The following PHF20 variants were observed in gnomAD, a reference collection of about 807,000 sequenced individuals.
The protein encoded by PHF20 is PHD finger protein 20.
Under a neutral mutation model 113.5 loss-of-function variants are expected in PHF20, and 23 were observed. That is an observed-to-expected ratio of 0.20 (90% CI 0.15 to 0.29). The LOEUF (loss-of-function observed/expected upper bound fraction) is 0.29, where lower values mean the gene tolerates loss of function less well. PHF20 is among the 10% of genes least tolerant of loss of function. The pLI is 1.00. For synonymous variants in PHF20, 434 were observed against 457.3 expected (o/e 0.95, Z 0.65); for missense variants, 943 against 1,219.6 (o/e 0.77, Z 3.38).
At chr20:35,889,022 T>C (rs904464855) in intron 9 of PHF20, among the ~76,000 whole-genome samples, 2 of 135,362 alleles carry the variant, frequency 1.5e-5, no homozygotes. Flanking sequence ...TTTTTTTTTT[T>C]TTTTTTTTTT....
rs145054711 is a variant in PHF20 at position 35,943,127 on chromosome 20, A to G, written c.2896+2080A>G. Among the ~76,000 whole-genome samples, 650 of 152,250 alleles carry G rather than the reference A, an allele frequency of 4.3e-3. 3 individuals are homozygous for G. The highest frequency in any genetic ancestry group is 0.015 in the African/African-American group (632 of 41,550). ...CGTGAGCCACCGTACCCAGCCCTAA[A>G]CTAAGCTTTCATAACCAAGTTTTAA... On this transcript the variant is annotated intron_variant, in intron 17 of 17. Transcript: ENST00000374012.
chr20:35,847,527 A>T, intron 4 of PHF20, 93 bp downstream of exon 4: 1 of 780,380 alleles, frequency 1.3e-6, no homozygotes, highest in Non-Finnish European at 2.2e-6. Flanking sequence ...TATTTTCAGT[A>T]TTTATTTACT....
At chr20:35,792,531 T>C (rs1175408793) in intron 1 of PHF20, among the ~76,000 whole-genome samples, 1 of 151,964 alleles carries the variant, frequency 6.6e-6, no homozygotes, top group Non-Finnish European at 1.5e-5. Context: ...TTCCTTCCTT[T>C]CTTTTTCTTC....
chr20:35,857,716 G>A (rs1391768213), intron 4 of PHF20, among the ~76,000 whole-genome samples: 1 of 151,822 alleles, frequency 6.6e-6, no homozygotes, highest in Non-Finnish European at 1.5e-5. Context: ...CTCCCGAGTA[G>A]CTGGGATTAC....
intron 10 of PHF20, among the ~76,000 whole-genome samples, chr20:35,903,028 T>C (rs1017384663): frequency 1.2e-4 from 18 of 147,320 alleles, no homozygotes; most frequent in African/African-American, 3.9e-4. Context: ...TTTCTTTTTT[T>C]TTTTTTTTGA....
chr20:35,826,700 A>G (rs930666666), intron 2 of PHF20, among the ~76,000 whole-genome samples: 22 of 152,118 alleles, frequency 1.4e-4, no homozygotes, highest in Admixed American at 1.4e-3. Context: ...ACATGTTTTG[A>G]TCCTTCTTAG....
At chr20:35,822,588 C>T (rs1047171357) in intron 2 of PHF20, among the ~76,000 whole-genome samples, 1 of 151,756 alleles carries the variant, frequency 6.6e-6, no homozygotes, top group Admixed American at 6.6e-5. Context: ...AATCCCAGCA[C>T]TTTGGGAGGC....
At chr20:35,841,011 G>T (rs148732885) in intron 2 of PHF20, among the ~76,000 whole-genome samples, 55 of 152,272 alleles carry the variant, frequency 3.6e-4, no homozygotes, top group African/African-American at 1.2e-3. Context: ...ATAAGCATAT[G>T]TGAATACATA....
chr20:35,882,195 CCAGA>C (rs2054647949), intron 9 of PHF20, among the ~76,000 whole-genome samples: 1 of 152,124 alleles, frequency 6.6e-6, no homozygotes, highest in Non-Finnish European at 1.5e-5. Context: ...GCTGGTTTGG[CCAGA>C]CAGTGTACCC....
chr20:35,855,148 T>C, intron 4 of PHF20: 1 of 421,302 alleles, frequency 2.4e-6, no homozygotes, highest in Non-Finnish European at 3.6e-6. Context: ...TCCCCCCATC[T>C]CCGTCCCCAG....
At chr20:35,941,137 C>T in intron 17 of PHF20, 90 bp downstream of exon 17, 1 of 1,011,422 alleles carries the variant, frequency 9.9e-7, no homozygotes, top group South Asian at 1.6e-5. Flanking sequence ...TCTGAGTTTA[C>T]AGGGACCGCT....
chr20:35,940,914 G>C lies in PHF20; in HGVS notation c.2763G>C (p.Arg921=). 1 of 1,614,158 alleles carries C rather than the reference G, an allele frequency of 6.2e-7. No individual in the cohort carries two copies. The highest frequency in any genetic ancestry group is 8.5e-7 in the Non-Finnish European group (1 of 1,180,002). ...KKALPEEAPA[R]KLLDRGGEGL... is the part of the protein sequence containing the mutation. ...CCCTACCAGAAGAAGCCCCTGCTCG[G>C]AAGCTGCTGGACAGAGGTGGAGAGG... Residue 921 remains arginine (R), a synonymous_variant, in exon 17 of 18, where the codon CGG becomes CGC. Coordinates refer to ENST00000374012, the MANE Select transcript of PHF20 (RefSeq NM_016436.5).
chr20:35,777,792 G>A (rs1169734729), intron 1 of PHF20, among the ~76,000 whole-genome samples: 1 of 152,172 alleles, frequency 6.6e-6, no homozygotes, highest in Non-Finnish European at 1.5e-5. Context: ...GTGACAGCAC[G>A]AGACCCCATT....
chr20:35,873,614 A>G (rs979491536), intron 9 of PHF20, among the ~76,000 whole-genome samples: 22 of 151,834 alleles, frequency 1.4e-4, no homozygotes, highest in African/African-American at 4.8e-4. Context: ...GATTATAGGC[A>G]CCCACCACCA....
chr20:35,882,315 A>G (rs935899224), intron 9 of PHF20, among the ~76,000 whole-genome samples: 2 of 152,134 alleles, frequency 1.3e-5, no homozygotes, highest in Non-Finnish European at 2.9e-5. Context: ...TTACACTCCT[A>G]CCTCTGGGCC....
intron 9 of PHF20, among the ~76,000 whole-genome samples, chr20:35,891,376 C>CAAAAAAAAAAAAAAAAAA (rs11475386): frequency 1.3e-5 from 1 of 76,658 alleles, no homozygotes. Context: ...GACTCTATGT[C>CAAAAAAAAAAAAAAAAAA]AAAAAAAAAA....
chr20:35,894,592 A>G (rs1315906346), intron 9 of PHF20, among the ~76,000 whole-genome samples: 1 of 152,234 alleles, frequency 6.6e-6, no homozygotes, highest in East Asian at 1.9e-4. Context: ...ATTTAAAATG[A>G]CATTGAATAG....
At chr20:35,884,018 G>A (rs1245445647) in intron 9 of PHF20, among the ~76,000 whole-genome samples, 1 of 152,146 alleles carries the variant, frequency 6.6e-6, no homozygotes, top group Non-Finnish European at 1.5e-5. Flanking sequence ...TTGAGTTGTG[G>A]AAAATGTCTT....
chr20:35,791,869 T>A (rs1273605205), intron 1 of PHF20, among the ~76,000 whole-genome samples: 1 of 151,992 alleles, frequency 6.6e-6, no homozygotes, highest in Non-Finnish European at 1.5e-5. Context: ...CACTTGCCAA[T>A]CTTGAGGGCT....
Sources: gnomAD v4.1 joint callset for allele counts (sites outside exome capture counted in the v4.1 genomes callset) on GRCh38, gnomAD v4.1.1 for gene constraint, MANE v1.5 for transcripts, NCBI Gene and HGNC (gene_info 2026-07-23, HGNC 2026-07-21) for gene names.